Variants in PHF21B observed in about 807,000 individuals in gnomAD.
PHF21B encodes the protein PHD finger protein 4.
A neutral mutation model predicts 62.2 loss-of-function variants in PHF21B; 22 were observed. The observed-to-expected ratio is 0.35, with a 90% confidence interval of 0.25 to 0.51. The LOEUF (loss-of-function observed/expected upper bound fraction) is 0.51, where lower values mean the gene tolerates loss of function less well. Ranked by LOEUF, PHF21B falls within the 20% of genes least tolerant of loss-of-function variation. The pLI is 0.97. For synonymous variants in PHF21B, 341 were observed against 314.7 expected (o/e 1.08, Z -0.88); for missense variants, 701 against 707.9 (o/e 0.99, Z 0.11).
At chr22:44,944,382 C>T (rs2072022354) in intron 2 of PHF21B, among the ~76,000 whole-genome samples, 1 of 152,194 alleles carries the variant, frequency 6.6e-6, no homozygotes, top group South Asian at 2.1e-4. Context: ...ATGGCATGCT[C>T]ACCTCTGATG....
At chr22:44,914,153 G>T in intron 4 of PHF21B, 65 bp from the exon 5 acceptor site, 1 of 579,868 alleles carries the variant, frequency 1.7e-6, no homozygotes. Flanking sequence ...GGAGGTAGCT[G>T]GTATGGCACA....
At chr22:44,932,177 G>A (rs2071755018) in intron 2 of PHF21B, among the ~76,000 whole-genome samples, 1 of 152,236 alleles carries the variant, frequency 6.6e-6, no homozygotes, top group Admixed American at 6.5e-5. Flanking sequence ...TAAAGATGCA[G>A]CAAAATCTGT....
At chr22:44,895,542 G>A (rs1478274074) in intron 6 of PHF21B, among the ~76,000 whole-genome samples, 1 of 152,170 alleles carries the variant, frequency 6.6e-6, no homozygotes, top group Non-Finnish European at 1.5e-5. Flanking sequence ...GCTGGGCACT[G>A]CTTCCAACAA....
At chr22:44,958,169 C>T (rs1265455956) in intron 2 of PHF21B, among the ~76,000 whole-genome samples, 2 of 152,200 alleles carry the variant, frequency 1.3e-5, no homozygotes, top group African/African-American at 4.8e-5. Flanking sequence ...TCCCAAAGTG[C>T]TGGGATTACA....
In PHF21B at chr22:44,913,092, G is replaced by A. The variant is rs139715623; in HGVS notation, c.831+730C>T. ...TCCCCGCGCCACCATCAGTGCAGGG[G>A]CTGCGCATCCACTATGTATTTGGAT... On this transcript the variant is annotated intron_variant, in intron 5 of 12. Coordinates refer to ENST00000313237, the MANE Select transcript of PHF21B (RefSeq NM_138415.5). Among the ~76,000 whole-genome samples the A allele has an allele frequency of 6.6e-4, 101 of 152,248 alleles. 1 individual carries two copies. The East Asian group carries it at 0.019, about 28-fold the overall frequency.
chr22:44,991,371 C>T (rs1303745045), intron 2 of PHF21B, among the ~76,000 whole-genome samples: 1 of 152,120 alleles, frequency 6.6e-6, no homozygotes, highest in Admixed American at 6.5e-5. Flanking sequence ...GCCTGGAAAA[C>T]CCACTGTGTG....
intron 2 of PHF21B, among the ~76,000 whole-genome samples, chr22:44,936,430 C>G (rs5766211): frequency 0.69 from 104,901 of 152,104 alleles, 37,823 homozygotes; most frequent in Non-Finnish European, 0.79. Context: ...GCCCTGTCGC[C>G]TCCTGTCCCC....
intron 2 of PHF21B, 61 bp downstream of exon 2, chr22:45,008,484 G>C (rs2073366801): frequency 2.0e-5 from 29 of 1,436,058 alleles, no homozygotes; most frequent in Non-Finnish European, 2.7e-5. Flanking sequence ...TTAGGGCGCC[G>C]CCAAAGTGCC....
intron 2 of PHF21B, among the ~76,000 whole-genome samples, chr22:44,975,495 G>C (rs1010113537): frequency 1.3e-5 from 2 of 152,216 alleles, no homozygotes; most frequent in African/African-American, 4.8e-5. Flanking sequence ...CTCATGAGTC[G>C]CAAGCAGGTC....
chr22:44,977,492 G>C (rs2072759184), intron 2 of PHF21B, among the ~76,000 whole-genome samples: 1 of 152,034 alleles, frequency 6.6e-6, no homozygotes, highest in Non-Finnish European at 1.5e-5. Context: ...TTGAACCTGA[G>C]AGGCGGAGGT....
intron 5 of PHF21B, among the ~76,000 whole-genome samples, chr22:44,907,590 G>T (rs886751972): frequency 4.6e-5 from 7 of 152,184 alleles, no homozygotes; most frequent in African/African-American, 1.7e-4. Flanking sequence ...GGCAGTCTCA[G>T]CCACACACAA....
intron 8 of PHF21B, among the ~76,000 whole-genome samples, chr22:44,890,784 G>T (rs148385328): frequency 6.6e-6 from 1 of 152,376 alleles, no homozygotes; most frequent in Non-Finnish European, 1.5e-5. Flanking sequence ...CCAGCCTGAA[G>T]ATCTGGCCCA....
At chr22:44,936,707 AC>A (rs1452485347) in intron 2 of PHF21B, among the ~76,000 whole-genome samples, 1 of 152,070 alleles carries the variant, frequency 6.6e-6, no homozygotes, top group African/African-American at 2.4e-5. Context: ...AATGATTTTC[AC>A]CCCCCCAGGT....
intron 10 of PHF21B, among the ~76,000 whole-genome samples, chr22:44,886,962 C>G (rs1007427749): frequency 9.2e-5 from 14 of 152,014 alleles, no homozygotes; most frequent in African/African-American, 3.4e-4. Flanking sequence ...TGAGACCAGC[C>G]TGGCCAACAT....
rs144001244 is a variant in PHF21B, at chr22:44,951,245, C to T, written c.121-30755G>A. ...GCCAGCATCACCGCCTCAGCTCCAC[C>T]GCAGATCATCGGGCATTAGATTCTC... is the stretch of plus-strand genomic sequence containing the variant. On this transcript the variant is annotated intron_variant, in intron 2 of 12. Coordinates refer to ENST00000313237, the MANE Select transcript of PHF21B (RefSeq NM_138415.5). Among the ~76,000 whole-genome samples the T allele has an allele frequency of 2.1e-3, 321 of 152,292 alleles. 1 individual carries two copies. Among genetic ancestry groups the T allele is most frequent in the Admixed American group, 3.1e-3 (48 of 15,284 alleles).
chr22:44,949,452 C>A (rs2072150700), intron 2 of PHF21B, among the ~76,000 whole-genome samples: 1 of 152,162 alleles, frequency 6.6e-6, no homozygotes, highest in South Asian at 2.1e-4. Flanking sequence ...CTCGTCACCC[C>A]CATAATTCCA....
At chr22:44,924,406 G>GT (rs1230493095) in intron 2 of PHF21B, among the ~76,000 whole-genome samples, 1 of 152,170 alleles carries the variant, frequency 6.6e-6, no homozygotes, top group Admixed American at 6.5e-5. Flanking sequence ...TGAACAGAAC[G>GT]TATGTGTCCT....
intron 2 of PHF21B, among the ~76,000 whole-genome samples, chr22:44,961,174 C>T (rs2072412098): frequency 6.6e-6 from 1 of 151,992 alleles, no homozygotes; most frequent in Non-Finnish European, 1.5e-5. Context: ...CCAGGATGGT[C>T]TCAATCTCTT....
intron 2 of PHF21B, among the ~76,000 whole-genome samples, chr22:44,999,408 C>T (rs1443652748): frequency 1.3e-5 from 2 of 152,108 alleles, no homozygotes; most frequent in Non-Finnish European, 2.9e-5. Context: ...TCCACAACCC[C>T]GCAATCCTCA....
Sources: allele counts gnomAD v4.1 joint callset (sites outside exome capture counted in the v4.1 genomes callset), GRCh38; gene constraint gnomAD v4.1.1; transcripts MANE v1.5; gene names NCBI Gene and HGNC (gene_info 2026-07-23, HGNC 2026-07-21).